INPP5A: variants seen among roughly 807,000 people sequenced by gnomAD.
INPP5A encodes the protein inositol polyphosphate-5-phosphatase A.
A neutral mutation model predicts 65.2 loss-of-function variants in INPP5A; 14 were observed. That is an observed-to-expected ratio of 0.21 (90% CI 0.14 to 0.34). The LOEUF is 0.34. Among genes scored for constraint, INPP5A ranks in the 10% least tolerant of loss-of-function variants. INPP5A has a pLI of 1.00. For synonymous variants in INPP5A, 207 were observed against 208.3 expected (o/e 0.99, Z 0.05); for missense variants, 431 against 545.6 (o/e 0.79, Z 2.09).
intron 1 of INPP5A, among the ~76,000 whole-genome samples, chr10:132,589,881 C>T (rs529744344): frequency 6.6e-5 from 10 of 152,340 alleles, no homozygotes; most frequent in South Asian, 2.1e-4. Flanking sequence ...AGGGAGCCCA[C>T]AGCCTCCACC....
intron 9 of INPP5A, among the ~76,000 whole-genome samples, chr10:132,746,618 C>T (rs1028618317): frequency 2.0e-5 from 3 of 152,216 alleles, no homozygotes; most frequent in African/African-American, 4.8e-5. Context: ...GATCCACACG[C>T]GTGTGGATGA....
chr10:132,624,225 C>T (rs1266564345), intron 2 of INPP5A, among the ~76,000 whole-genome samples: 2 of 152,242 alleles, frequency 1.3e-5, no homozygotes, highest in South Asian at 2.1e-4. Flanking sequence ...AGCTGCTTCA[C>T]CTGTGATCCC....
At chr10:132,755,119 G>A (rs1279996096) in intron 11 of INPP5A, among the ~76,000 whole-genome samples, 4 of 151,856 alleles carry the variant, frequency 2.6e-5, no homozygotes, top group East Asian at 3.9e-4. Context: ...GTGAGCTGGC[G>A]TGTGAGCAGG....
At position 132,624,710 on chromosome 10, in the gene INPP5A, C is replaced by T. The variant is rs187259222; in HGVS notation, c.117+16754C>T. On this transcript the variant is annotated intron_variant, in intron 2 of 15. Coordinates refer to ENST00000368594, the MANE Select transcript of INPP5A (RefSeq NM_005539.5). ...CCCACCTTTCTGTTCAAACCCAAACCCCTCCTTTCCTTCCAGACTCTTGGT... is the reference window on the plus strand; with the variant it reads ...CCCACCTTTCTGTTCAAACCCAAACTCCTCCTTTCCTTCCAGACTCTTGGT... Among the ~76,000 whole-genome samples, 8 of 152,296 alleles carry T rather than the reference C, an allele frequency of 5.3e-5. No individual in the cohort carries two copies. In the East Asian group the frequency reaches 1.5e-3, roughly 29 times the overall value.
Position 132,663,395 on chromosome 10 carries a change from A to AG in INPP5A, c.306+12890_306+12891insG, listed in dbSNP as rs1228138371. Among the ~76,000 whole-genome samples the AG allele has an allele frequency of 6.6e-6, 1 of 151,964 alleles. No homozygotes were observed. The highest frequency in any genetic ancestry group is 1.5e-5 in the Non-Finnish European group (1 of 67,992). On this transcript the variant is annotated intron_variant, in intron 4 of 15. Coordinates refer to ENST00000368594, the MANE Select transcript of INPP5A (RefSeq NM_005539.5). The surrounding 1 kb of genome is among the most constrained non-coding windows in gnomAD (Gnocchi z 4.5). ...CATCACCACGCCTGGCTAAAAAAAA[A>AG]CTGTTTATAGAGACTGGGTGTCACC...
chr10:132,719,406 T>C (rs868203516), intron 8 of INPP5A, among the ~76,000 whole-genome samples: 327 of 143,136 alleles, frequency 2.3e-3, no homozygotes, highest in African/African-American at 8.6e-3. Flanking sequence ...GGGTTCTGTC[T>C]GGGCACCTTA....
chr10:132,781,583 G>GT (rs1446402358), intron 14 of INPP5A, among the ~76,000 whole-genome samples: 1 of 152,186 alleles, frequency 6.6e-6, no homozygotes, highest in Non-Finnish European at 1.5e-5. Context: ...TTTTACATCA[G>GT]TTTTTCCATT....
At chr10:132,586,418 G>A (rs1173786284) in intron 1 of INPP5A, among the ~76,000 whole-genome samples, 1 of 152,208 alleles carries the variant, frequency 6.6e-6, no homozygotes, top group African/African-American at 2.4e-5. Flanking sequence ...TGGCGACCTC[G>A]TCACCCTTCC....
intron 4 of INPP5A, among the ~76,000 whole-genome samples, chr10:132,670,081 C>T (rs990696043): frequency 5.6e-5 from 8 of 142,356 alleles, no homozygotes; most frequent in African/African-American, 2.1e-4. Flanking sequence ...ATGTCCTCAG[C>T]TTCCAATCCC....
intron 4 of INPP5A, among the ~76,000 whole-genome samples, chr10:132,681,832 A>G (rs1265944825): frequency 6.6e-6 from 1 of 152,260 alleles, no homozygotes; most frequent in African/African-American, 2.4e-5. Flanking sequence ...ATGCGGAAGC[A>G]GTACCATGGA....
At chr10:132,751,019 C>T (rs957245924) in intron 11 of INPP5A, among the ~76,000 whole-genome samples, 4 of 152,214 alleles carry the variant, frequency 2.6e-5, no homozygotes, top group Non-Finnish European at 5.9e-5. Flanking sequence ...GAGCTGGGGT[C>T]TCTCAGTGCC....
At chr10:132,541,546 C>T (rs1447826031) in intron 1 of INPP5A, among the ~76,000 whole-genome samples, 2 of 152,138 alleles carry the variant, frequency 1.3e-5, no homozygotes, top group South Asian at 2.1e-4. Context: ...ATGGAGGACC[C>T]GAAAGAGTTC....
intron 1 of INPP5A, among the ~76,000 whole-genome samples, chr10:132,541,934 C>T (rs2070911137): frequency 6.6e-6 from 1 of 152,234 alleles, no homozygotes; most frequent in Non-Finnish European, 1.5e-5. Flanking sequence ...GGATTGGACT[C>T]CTGCTGTCAC....
chr10:132,756,714 C>A (rs751319959), intron 11 of INPP5A, among the ~76,000 whole-genome samples: 1 of 152,192 alleles, frequency 6.6e-6, no homozygotes, highest in African/African-American at 2.4e-5. Context: ...CTGTAATGCA[C>A]TCCTTCTACT....
chr10:132,678,256 C>T lies in INPP5A; in HGVS notation c.307-12136C>T, dbSNP rs1473807072. 1.3e-5 allele frequency among the ~76,000 whole-genome samples: 2 copies of T among 152,154 alleles called. No homozygotes were observed. The highest frequency in any genetic ancestry group is 2.1e-4 in the South Asian group (1 of 4,826). On this transcript the variant is annotated intron_variant, in intron 4 of 15. Coordinates refer to ENST00000368594, the MANE Select transcript of INPP5A (RefSeq NM_005539.5). This position sits in a 1 kb window ranked among gnomAD's most constrained non-coding sequence, Gnocchi z 4.1. ...GGCAGTAGTGAGGACGCCGCCTTGT[C>T]CAGTTGGGTCAGCCGCCCATGAGTT...
intron 5 of INPP5A, among the ~76,000 whole-genome samples, chr10:132,694,576 C>T (rs1271363586): frequency 6.6e-6 from 1 of 151,904 alleles, no homozygotes; most frequent in Non-Finnish European, 1.5e-5. Flanking sequence ...GAATTGAAAA[C>T]AGGAAATGAA....
intron 13 of INPP5A, 115 bp from the exon 14 acceptor site, chr10:132,780,734 C>G (rs1023957469): frequency 2.2e-5 from 19 of 846,172 alleles, no homozygotes; most frequent in Admixed American, 8.8e-5. Context: ...CTGGCAGGGG[C>G]CGACATCCCC....
At chr10:132,778,523 T>C (rs1232696171) in intron 13 of INPP5A, among the ~76,000 whole-genome samples, 2 of 152,158 alleles carry the variant, frequency 1.3e-5, no homozygotes, top group Non-Finnish European at 2.9e-5. Flanking sequence ...GAAGAATCAA[T>C]ATCTGAATTG....
At chr10:132,662,460 G>C (rs912033008) in intron 4 of INPP5A, among the ~76,000 whole-genome samples, 1 of 152,188 alleles carries the variant, frequency 6.6e-6, no homozygotes, top group African/African-American at 2.4e-5. Context: ...AGCTGTCGCA[G>C]TAATTATGGT....
Sources: gnomAD v4.1 joint callset for allele counts (sites outside exome capture counted in the v4.1 genomes callset) on GRCh38, gnomAD v4.1.1 for gene constraint, Gnocchi (gnomAD v3.1) non-coding constraint, MANE v1.5 for transcripts, NCBI Gene and HGNC (gene_info 2026-07-23, HGNC 2026-07-21) for gene names.